The following ECHDC1 variants were observed in gnomAD, a reference collection of about 807,000 sequenced individuals.
The protein encoded by ECHDC1 is ethylmalonyl-CoA decarboxylase 1.
ECHDC1 carries 29 observed loss-of-function variants against 29.7 expected under a neutral mutation model. The ratio of observed to expected loss-of-function variants is 0.98; its 90% confidence interval spans 0.73 to 1.33. ECHDC1 has a LOEUF of 1.33. Ranked by LOEUF, ECHDC1 falls within the 40% of genes most tolerant of loss-of-function variation. The probability of loss-of-function intolerance (pLI) is 0.00; values close to 1 mark genes in which losing one functional copy is unlikely to be tolerated. For synonymous variants in ECHDC1, 126 were observed against 123.1 expected (o/e 1.02, Z -0.15); for missense variants, 328 against 350.0 (o/e 0.94, Z 0.50).
intron 3 of ECHDC1, chr6:127,326,563 T>C (rs989404322): frequency 3.5e-5 from 15 of 430,066 alleles, no homozygotes; most frequent in Non-Finnish European, 6.3e-5. Flanking sequence ...CTGTATTCCA[T>C]CTGCAACTTT....
chr6:127,310,235 G>C (rs554898922), intron 5 of ECHDC1, among the ~76,000 whole-genome samples: 4 of 152,016 alleles, frequency 2.6e-5, no homozygotes, highest in Non-Finnish European at 4.4e-5. Flanking sequence ...ACAACTAAAA[G>C]AGTATAATTG....
intron 5 of ECHDC1, among the ~76,000 whole-genome samples, chr6:127,305,120 C>T (rs1781346308): frequency 6.6e-6 from 1 of 152,080 alleles, no homozygotes; most frequent in South Asian, 2.1e-4. Context: ...ATTTAATAAA[C>T]TTCCAAAGGT....
intron 5 of ECHDC1, among the ~76,000 whole-genome samples, chr6:127,292,467 T>C (rs1200702892): frequency 6.6e-6 from 1 of 152,002 alleles, no homozygotes; most frequent in Non-Finnish European, 1.5e-5. Flanking sequence ...AAATCTAACA[T>C]CCATTCTTTG....
At chr6:127,339,235 T>C (rs1393024046) in intron 1 of ECHDC1, among the ~76,000 whole-genome samples, 3 of 150,726 alleles carry the variant, frequency 2.0e-5, no homozygotes, top group Admixed American at 1.3e-4. Context: ...AAGGTAATGA[T>C]ATTTCTTAAA....
chr6:127,340,744 T>TG (rs919667567), intron 1 of ECHDC1, among the ~76,000 whole-genome samples: 1 of 11,720 alleles, frequency 8.5e-5, no homozygotes, highest in African/African-American at 2.3e-4. Flanking sequence ...CTTTAAAAGT[T>TG]TTTTTTTTTT....
intron 5 of ECHDC1, among the ~76,000 whole-genome samples, chr6:127,298,045 T>C (rs1057265082): frequency 6.6e-6 from 1 of 152,138 alleles, no homozygotes; most frequent in African/African-American, 2.4e-5. Flanking sequence ...AACAGTGAAC[T>C]AATGTAAGTA....
intron 5 of ECHDC1, among the ~76,000 whole-genome samples, chr6:127,309,762 T>C (rs1405072254): frequency 6.6e-6 from 1 of 152,198 alleles, no homozygotes; most frequent in African/African-American, 2.4e-5. Context: ...GAAGCATGGC[T>C]GGGGAGGCCT....
chr6:127,302,893 GTAA>G (rs1781159080), intron 5 of ECHDC1, among the ~76,000 whole-genome samples: 1 of 152,146 alleles, frequency 6.6e-6, no homozygotes, highest in Non-Finnish European at 1.5e-5. Flanking sequence ...AGAATAAAAT[GTAA>G]TAATAGCAGC....
chr6:127,310,059 GA>G (rs1463917482), intron 5 of ECHDC1, among the ~76,000 whole-genome samples: 2 of 152,094 alleles, frequency 1.3e-5, no homozygotes, highest in Non-Finnish European at 2.9e-5. Context: ...TGGAGATAGA[GA>G]GTAAAAAGAT....
chr6:127,314,071 T>G (rs1277204620), intron 5 of ECHDC1, among the ~76,000 whole-genome samples: 1 of 152,138 alleles, frequency 6.6e-6, no homozygotes, highest in African/African-American at 2.4e-5. Flanking sequence ...ATTTTACCTC[T>G]GATTGTGCTA....
intron 1 of ECHDC1, among the ~76,000 whole-genome samples, chr6:127,335,105 T>C (rs1416148226): frequency 1.3e-5 from 2 of 152,052 alleles, no homozygotes; most frequent in Non-Finnish European, 1.5e-5. Flanking sequence ...AATATGTGAG[T>C]TATAAAATGG....
intron 5 of ECHDC1, among the ~76,000 whole-genome samples, chr6:127,303,824 G>A (rs1457377873): frequency 6.6e-6 from 1 of 152,180 alleles, no homozygotes; most frequent in Non-Finnish European, 1.5e-5. Flanking sequence ...TTTGGAAAGG[G>A]GAGAAAAGAC....
At position 127,290,022 on chromosome 6, in the gene ECHDC1, C is replaced by T. The variant is rs376770425; in HGVS notation, c.753G>A (p.Pro251=). The T allele has an allele frequency of 7.7e-5, 125 of 1,613,592 alleles. No homozygotes were observed. Among genetic ancestry groups the T allele is most frequent in the Non-Finnish European group, 1.0e-4 (123 of 1,179,768 alleles). The change falls in exon 6 of 6, where the codon CCG becomes CCA. Residue 251 remains proline, a synonymous_variant. Transcript: ENST00000454859. ...ATTTTTTCAAAGCTCTAATTACTTCCGGTGGCCCTTGGATGAATTGCTTTA... is the reference window on the plus strand; with the variant it reads ...ATTTTTTCAAAGCTCTAATTACTTCTGGTGGCCCTTGGATGAATTGCTTTA... ...EWLKQFIQGP[P]EVIRALKKSV...
At chr6:127,325,457 G>C (rs1308055109) in intron 3 of ECHDC1, among the ~76,000 whole-genome samples, 2 of 151,980 alleles carry the variant, frequency 1.3e-5, no homozygotes, top group African/African-American at 4.8e-5. Context: ...ATGACTAACA[G>C]GTAAAAAGCT....
chr6:127,330,516 T>G (rs539130942), intron 2 of ECHDC1, among the ~76,000 whole-genome samples: 44 of 152,366 alleles, frequency 2.9e-4, no homozygotes, highest in Middle Eastern at 3.4e-3. Context: ...ATGAAGTTAT[T>G]AAACAGTTAA....
chr6:127,301,331 G>A (rs895378174), intron 5 of ECHDC1, among the ~76,000 whole-genome samples: 2 of 152,290 alleles, frequency 1.3e-5, no homozygotes, highest in Admixed American at 1.3e-4. Flanking sequence ...CATATTAAGT[G>A]TATCTCCATC....
intron 1 of ECHDC1, chr6:127,342,580 AAAG>A (rs1785049553): frequency 1.9e-6 from 1 of 515,120 alleles, no homozygotes; most frequent in Non-Finnish European, 3.4e-6. Flanking sequence ...TAGCTCTTCT[AAAG>A]AAGGAGCCCT....
At chr6:127,310,169 C>T (rs1781786079) in intron 5 of ECHDC1, among the ~76,000 whole-genome samples, 1 of 152,016 alleles carries the variant, frequency 6.6e-6, no homozygotes, top group African/African-American at 2.4e-5. Context: ...GTCTATTGTA[C>T]AGAACAGGGT....
intron 5 of ECHDC1, among the ~76,000 whole-genome samples, chr6:127,291,063 G>A (rs894509300): frequency 6.6e-6 from 1 of 152,054 alleles, no homozygotes; most frequent in East Asian, 1.9e-4. Context: ...GAACTGCTTA[G>A]TATCTCTGGG....
Sources: allele counts gnomAD v4.1 joint callset (sites outside exome capture counted in the v4.1 genomes callset), GRCh38; gene constraint gnomAD v4.1.1; transcripts MANE v1.5; gene names NCBI Gene and HGNC (gene_info 2026-07-23, HGNC 2026-07-21).